Variants in EIF2D observed in about 807,000 individuals in gnomAD.
EIF2D encodes the protein eukaryotic translation initiation factor 2D, also known as hepatocellular carcinoma-associated antigen 56.
A neutral mutation model predicts 77.4 loss-of-function variants in EIF2D; 56 were observed. The ratio of observed to expected loss-of-function variants is 0.72; its 90% confidence interval spans 0.58 to 0.90. The LOEUF (loss-of-function observed/expected upper bound fraction) is 0.90, where lower values mean the gene tolerates loss of function less well. Ranked by LOEUF, EIF2D falls within the 40% of genes least tolerant of loss-of-function variation. The pLI is 0.00. For synonymous variants in EIF2D, 230 were observed against 271.0 expected (o/e 0.85, Z 1.49); for missense variants, 574 against 706.5 (o/e 0.81, Z 2.13).
intron 2 of EIF2D, chr1:206,583,230 A>C: frequency 7.4e-7 from 1 of 1,352,212 alleles, no homozygotes; most frequent in African/African-American, 1.4e-5. Context: ...CACCCTGAGA[A>C]CTACTACACA....
At chr1:206,600,169 G>A (rs1669853276) in intron 8 of EIF2D, 94 bp downstream of exon 8, 1 of 1,270,840 alleles carries the variant, frequency 7.9e-7, no homozygotes, top group South Asian at 1.3e-5. Flanking sequence ...GACTGAGCCT[G>A]GTAGACAAGG....
At chr1:206,570,381 A>C (rs1441496566), downstream of EIF2D, among the ~76,000 whole-genome samples, 3 of 152,128 alleles carry the variant, frequency 2.0e-5, no homozygotes, top group African/African-American at 7.2e-5. Context: ...GGTGTGAGCC[A>C]CTGCACCCAG....
At chr1:206,612,219 T>C in intron 1 of EIF2D, 68 bp downstream of exon 1, 1 of 1,596,328 alleles carries the variant, frequency 6.3e-7, no homozygotes, top group Non-Finnish European at 8.6e-7. Flanking sequence ...TAGCGAGGGC[T>C]ATGGGCCAGC....
At chr1:206,582,444 TTAGTCTCAA>T (rs1195011182) in intron 2 of EIF2D, among the ~76,000 whole-genome samples, 1 of 152,328 alleles carries the variant, frequency 6.6e-6, no homozygotes, top group African/African-American at 2.4e-5. Context: ...TAAACTTCTC[TTAGTCTCAA>T]TAGTCTCACC....
intron 6 of EIF2D, 112 bp from the exon 7 acceptor site, chr1:206,602,565 C>A: frequency 1.1e-6 from 1 of 934,730 alleles, no homozygotes; most frequent in Non-Finnish European, 1.7e-6. Context: ...TGAAAGGAAC[C>A]CATTCCCAGG....
rs6668054 is a variant in EIF2D, at chr1:206,602,846, T to G, written c.784+105A>C. 5.0e-4 allele frequency: 746 copies of G among 1,478,532 alleles called. 14 individuals carry two copies. The South Asian group carries it at 9.6e-3, about 19-fold the overall frequency. 91.6% of individuals were successfully genotyped at this position (1,478,532 alleles called of 1,614,324 possible). On this transcript the variant is annotated intron_variant, in intron 6 of 14. Transcript: ENST00000271764. ...ACAGAAAATAAGGACCTTCCCCTCC[T>G]CCCCCGGAAGCTTAAGGGCCATTCT...
rs1669501825 is a variant in EIF2D, at chr1:206,593,764, A to G, written c.1539T>C (p.Tyr513=). ...KVTVVRNLEA[Y]GLDPYSVAAI... Reference sequence around the variant, plus strand: ...CAGCCACTGAGTATGGGTCCAGACCATAGGCCTCCAAGTTCCGGACCACGG... The same window carrying G: ...CAGCCACTGAGTATGGGTCCAGACCGTAGGCCTCCAAGTTCCGGACCACGG... The change falls in exon 14 of 15, where the codon TAT becomes TAC. Residue 513 remains tyrosine (Y), a synonymous_variant. Transcript: ENST00000271764. The G allele has an allele frequency of 1.2e-6, 2 of 1,603,840 alleles. No individual in the cohort carries two copies. Among genetic ancestry groups the G allele is most frequent in the Middle Eastern group, 1.8e-4 (1 of 5,714 alleles).
downstream of EIF2D, among the ~76,000 whole-genome samples, chr1:206,569,233 C>T (rs924184801): frequency 2.0e-5 from 3 of 152,204 alleles, no homozygotes; most frequent in South Asian, 6.2e-4. Flanking sequence ...CAGTGGGGTA[C>T]AGAAGCCCAT....
intron 5 of EIF2D, among the ~76,000 whole-genome samples, chr1:206,603,947 A>C (rs547507210): frequency 7.0e-6 from 1 of 143,246 alleles, no homozygotes; most frequent in Non-Finnish European, 1.6e-5. Flanking sequence ...AATACCATAA[A>C]TATTTTTTTC....
At chr1:206,589,578 G>A (rs1184267004), downstream of EIF2D, 1 of 152,058 alleles carries the variant, frequency 6.6e-6, no homozygotes, top group Non-Finnish European at 1.5e-5. Flanking sequence ...TGGAGCTAAG[G>A]GTGATTTGAC....
chr1:206,603,041 C>G lies in EIF2D; in HGVS notation c.694G>C (p.Ala232Pro). Reference sequence around the variant, plus strand: ...TCTGAGAGAGACTTGTCTTCACGTGCCTGGTGAACCTCCCCATTCTCCTCT... The same window carrying G: ...TCTGAGAGAGACTTGTCTTCACGTGGCTGGTGAACCTCCCCATTCTCCTCT... ...GEEENGEVHQ[A>P]REDKSLSEAP... is the part of the protein sequence containing the mutation. The change falls in exon 6 of 15, where the codon GCA becomes CCA. Residue 232 changes from alanine (A) to proline (P), a missense_variant. Transcript: ENST00000271764. 6.2e-7 allele frequency: 1 copy of G among 1,614,154 alleles called. No homozygotes were observed. Among genetic ancestry groups the G allele is most frequent in the Non-Finnish European group, 8.5e-7 (1 of 1,180,030 alleles).
At chr1:206,591,574 T>C, downstream of EIF2D, 1 of 605,302 alleles carries the variant, frequency 1.7e-6, no homozygotes. Context: ...TTCTGTCCAT[T>C]TAGAATACTC....
downstream of EIF2D, chr1:206,586,831 T>G (rs782145620): frequency 6.2e-6 from 10 of 1,613,556 alleles, no homozygotes; most frequent in Non-Finnish European, 8.5e-6. Flanking sequence ...CACAGTGGGA[T>G]GCCTTCTCCA....
intron 2 of EIF2D, among the ~76,000 whole-genome samples, chr1:206,610,713 C>G (rs1362946061): frequency 6.6e-6 from 1 of 151,938 alleles, no homozygotes; most frequent in African/African-American, 2.4e-5. Context: ...TCCTGCTACT[C>G]GGGAGGCTGA....
intron 2 of EIF2D, chr1:206,585,015 A>T: frequency 1.6e-6 from 1 of 644,608 alleles, no homozygotes; most frequent in Admixed American, 2.6e-5. Flanking sequence ...CCCAAGATAA[A>T]AGGTTATTGC....
At chr1:206,600,851 G>A (rs1669890966) in intron 7 of EIF2D, 1 of 152,926 alleles carries the variant, frequency 6.5e-6, no homozygotes, top group Non-Finnish European at 1.5e-5. Context: ...GGTCACATTA[G>A]TGCTACAATG....
In EIF2D at chr1:206,584,762, C is replaced by T. The variant is rs973875771; in HGVS notation, c.139-3600G>A. The T allele has an allele frequency of 6.6e-7, 1 of 1,504,292 alleles. No individual in the cohort carries two copies. Among genetic ancestry groups the T allele is most frequent in the East Asian group, 2.3e-5 (1 of 42,724 alleles). 93.2% of individuals were successfully genotyped at this position (1,504,292 alleles called of 1,614,324 possible). The stretch of plus-strand genomic sequence containing the variant: ...GCCCACCCACTAAAACTCCTGCCGG[C>T]CTTGGGTGGGAGCTGTGGGCTTCTC... On this transcript the variant is annotated intron_variant and NMD_transcript_variant, in intron 2 of 5. Transcript: ENST00000472709. The surrounding 1 kb of genome is among the most constrained non-coding windows in gnomAD (Gnocchi z 4.9).
chr1:206,575,423 T>G (rs1668603387), intron 4 of EIF2D, among the ~76,000 whole-genome samples: 1 of 152,190 alleles, frequency 6.6e-6, no homozygotes, highest in Non-Finnish European at 1.5e-5. Context: ...TTTGTTTTCT[T>G]GAGTTGTGTG....
At chr1:206,577,767 G>T (rs1558520287) in intron 4 of EIF2D, among the ~76,000 whole-genome samples, 1 of 152,174 alleles carries the variant, frequency 6.6e-6, no homozygotes, top group African/African-American at 2.4e-5. Flanking sequence ...TTTGTCCACT[G>T]TAGGCAATAG....
Sources: allele counts gnomAD v4.1 joint callset (sites outside exome capture counted in the v4.1 genomes callset), GRCh38; gene constraint gnomAD v4.1.1; non-coding constraint Gnocchi (gnomAD v3.1); transcripts MANE v1.5; gene names NCBI Gene and HGNC (gene_info 2026-07-23, HGNC 2026-07-21).